UPK1B: variants seen among roughly 807,000 people sequenced by gnomAD.
UPK1B encodes the protein uroplakin-1b.
UPK1B carries 28 observed loss-of-function variants against 34.2 expected under a neutral mutation model. That is an observed-to-expected ratio of 0.82 (90% CI 0.61 to 1.12). The LOEUF is 1.12. Ranked by LOEUF, UPK1B falls within the 50% of genes most tolerant of loss-of-function variation. The pLI is 0.00. For missense variants in UPK1B, 325 were observed against 320.9 expected (o/e 1.01, Z -0.10); for synonymous variants, 81 against 110.4 (o/e 0.73, Z 1.67).
intron 1 of UPK1B, among the ~76,000 whole-genome samples, chr3:119,173,999 C>T (rs558100016): frequency 6.6e-6 from 1 of 152,012 alleles, no homozygotes; most frequent in Non-Finnish European, 1.5e-5. Context: ...AGACAGTCAC[C>T]TTTGTAGACC....
At chr3:119,179,540 C>T (rs766749512) in intron 1 of UPK1B, among the ~76,000 whole-genome samples, 10 of 46,308 alleles carry the variant, frequency 2.2e-4, no homozygotes, top group Non-Finnish European at 4.3e-4. Context: ...GACGGAGTCT[C>T]GCTCTGTCGC....
At chr3:119,176,911 G>A (rs921678318) in intron 1 of UPK1B, among the ~76,000 whole-genome samples, 1 of 152,194 alleles carries the variant, frequency 6.6e-6, no homozygotes, top group Non-Finnish European at 1.5e-5. Flanking sequence ...AGTCAGTATA[G>A]CCAGAGAGAC....
intron 7 of UPK1B, among the ~76,000 whole-genome samples, chr3:119,201,443 G>A (rs537540163): frequency 4.6e-5 from 7 of 152,158 alleles, no homozygotes; most frequent in Admixed American, 1.3e-4. Flanking sequence ...GCAACACAGC[G>A]TGTGCAGGGG....
chr3:119,188,985 G>T (rs761529800), intron 3 of UPK1B, among the ~76,000 whole-genome samples: 1 of 152,158 alleles, frequency 6.6e-6, no homozygotes, highest in Non-Finnish European at 1.5e-5. Flanking sequence ...CACTTTTGGT[G>T]GGTGGGGAAA....
chr3:119,194,241 G>T lies in UPK1B; in HGVS notation c.491G>T (p.Gly164Val). 3 of 1,613,918 alleles carry T rather than the reference G, an allele frequency of 1.9e-6. No homozygotes were observed. Among genetic ancestry groups the T allele is most frequent in the Non-Finnish European group, 2.5e-6 (3 of 1,179,898 alleles). Reference protein sequence around the residue: ...MLQDNCCGVNGPSDWQKYTSA... With the variant: ...MLQDNCCGVNVPSDWQKYTSA... ...CAGGACAATTGCTGTGGCGTAAATG[G>T]TCCATCAGACTGGCAAAAATACACA... is the stretch of plus-strand genomic sequence containing the variant. Residue 164 changes from glycine (G) to valine (V), a missense_variant, in exon 6 of 8, where the codon GGT (glycine) becomes GTT (valine). Coordinates refer to ENST00000264234, the MANE Select transcript of UPK1B (RefSeq NM_006952.4).
chr3:119,195,197 T>C (rs1399457164), intron 6 of UPK1B, among the ~76,000 whole-genome samples: 5 of 151,404 alleles, frequency 3.3e-5, no homozygotes, highest in Non-Finnish European at 1.5e-5. Flanking sequence ...AAGCACAGAC[T>C]CTAAGCCAGT....
At chr3:119,188,354 T>C (rs1190963776) in intron 3 of UPK1B, among the ~76,000 whole-genome samples, 1 of 152,202 alleles carries the variant, frequency 6.6e-6, no homozygotes, top group African/African-American at 2.4e-5. Context: ...CAATAACTTG[T>C]TTAAAACATT....
At chr3:119,174,720 C>A (rs2077944590) in intron 1 of UPK1B, among the ~76,000 whole-genome samples, 1 of 152,180 alleles carries the variant, frequency 6.6e-6, no homozygotes. Context: ...TATAGATATA[C>A]ATACTTTGAG....
Position 119,204,075 on chromosome 3 carries a change from T to C in UPK1B, c.*108T>C. The C allele has an allele frequency of 7.9e-7, 1 of 1,271,094 alleles. No individual in the cohort carries two copies. The highest frequency in any genetic ancestry group is 1.1e-6 in the Non-Finnish European group (1 of 885,276). The allele number at this position is 1,271,094 out of a possible 1,614,324, so 78.7% of individuals were successfully genotyped here. The stretch of plus-strand genomic sequence containing the variant: ...TTTGTGCCCCACACTAACGTGTGTG[T>C]CTTACATTGCCAAGTCAGATGGTAC... On this transcript the variant is annotated 3_prime_UTR_variant, in exon 8 of 8. Coordinates refer to ENST00000264234, the MANE Select transcript of UPK1B (RefSeq NM_006952.4).
chr3:119,188,596 C>T (rs1472587592), intron 3 of UPK1B, among the ~76,000 whole-genome samples: 2 of 152,182 alleles, frequency 1.3e-5, no homozygotes, highest in African/African-American at 4.8e-5. Context: ...GGGGCTTTAA[C>T]TCTGTACATC....
intron 1 of UPK1B, among the ~76,000 whole-genome samples, chr3:119,179,151 A>C (rs1215423386): frequency 6.6e-6 from 1 of 151,626 alleles, no homozygotes; most frequent in Non-Finnish European, 1.5e-5. Context: ...AACATGATGA[A>C]ACCCCTTCTC....
At chr3:119,189,185 G>A (rs1470821462) in intron 3 of UPK1B, among the ~76,000 whole-genome samples, 1 of 152,186 alleles carries the variant, frequency 6.6e-6, no homozygotes, top group Non-Finnish European at 1.5e-5. Flanking sequence ...CCAGGAGCCA[G>A]CAAAGCTCTT....
intron 1 of UPK1B, among the ~76,000 whole-genome samples, chr3:119,186,110 A>G (rs1394626464): frequency 2.0e-5 from 3 of 152,196 alleles, no homozygotes; most frequent in African/African-American, 7.2e-5. Context: ...TGAGAATTAG[A>G]TGCGTGCATG....
At chr3:119,203,795 C>A in intron 7 of UPK1B, 122 bp from the exon 8 acceptor site, 1 of 1,022,800 alleles carries the variant, frequency 9.8e-7, no homozygotes, top group South Asian at 1.5e-5. Context: ...GAAATAAAAA[C>A]AAACAAACAA....
chr3:119,180,338 C>T (rs1036762965), intron 1 of UPK1B, among the ~76,000 whole-genome samples: 2 of 152,210 alleles, frequency 1.3e-5, no homozygotes, highest in Admixed American at 6.5e-5. Flanking sequence ...TAAAGAATAT[C>T]TTCACAGCAA....
chr3:119,180,948 T>C (rs1476688587), intron 1 of UPK1B, among the ~76,000 whole-genome samples: 1 of 152,208 alleles, frequency 6.6e-6, no homozygotes, highest in Non-Finnish European at 1.5e-5. Context: ...TTTCTAGACA[T>C]CTTCCATTGA....
chr3:119,188,649 C>T (rs2078030504), intron 3 of UPK1B, among the ~76,000 whole-genome samples: 1 of 152,220 alleles, frequency 6.6e-6, no homozygotes, highest in Admixed American at 6.5e-5. Flanking sequence ...CAAGACCATG[C>T]CCTGCCTTTG....
intron 5 of UPK1B, among the ~76,000 whole-genome samples, chr3:119,191,456 T>C (rs1287855999): frequency 6.6e-6 from 1 of 152,168 alleles, no homozygotes; most frequent in East Asian, 1.9e-4. Flanking sequence ...CTGGCAATCA[T>C]AGTTTATGTC....
chr3:119,179,381 ATATATATATATATATATT>A (rs1394909648), intron 1 of UPK1B, among the ~76,000 whole-genome samples: 1,925 of 87,666 alleles, frequency 0.022, 116 homozygotes, highest in African/African-American at 0.065. Flanking sequence ...ATATATATAT[ATATATATATATATATATT>A]AATTCTAAGG....
Sources: gnomAD v4.1 joint callset for allele counts (sites outside exome capture counted in the v4.1 genomes callset) on GRCh38, gnomAD v4.1.1 for gene constraint, MANE v1.5 for transcripts, NCBI Gene and HGNC (gene_info 2026-07-23, HGNC 2026-07-21) for gene names.